LRRC66: variants seen among roughly 807,000 people sequenced by gnomAD.
LRRC66 encodes the protein leucine rich repeat containing 66, also known as leucine-rich repeat-containing protein 66.
LRRC66 carries 29 observed loss-of-function variants against 24.6 expected under a neutral mutation model. The observed-to-expected ratio is 1.18, with a 90% CI of 0.88 to 1.61. LRRC66 has a LOEUF of 1.61. Ranked by LOEUF, LRRC66 falls within the 40% of genes most tolerant of loss-of-function variation. The pLI is 0.00. For missense variants in LRRC66, 1,124 were observed against 1,058.0 expected (o/e 1.06, Z -0.87); for synonymous variants, 411 against 397.6 (o/e 1.03, Z -0.40).
At chr4:52,000,934 G>A (rs1027832741) in intron 3 of LRRC66, among the ~76,000 whole-genome samples, 4 of 152,212 alleles carry the variant, frequency 2.6e-5, no homozygotes, top group African/African-American at 9.7e-5. Flanking sequence ...AAGCTGGTAA[G>A]TTTGTAGTAA....
chr4:51,996,026 A>C lies in LRRC66; in HGVS notation c.996T>G (p.Ile332Met). The change falls in exon 5 of 5, where the codon ATT becomes ATG. Residue 332 changes from isoleucine to methionine, a missense_variant. Coordinates refer to ENST00000682860, the MANE Select transcript of LRRC66 (RefSeq NM_001024611.3). Reference protein sequence around the residue: ...ERPQGGRHTGISTLGKKAKAG... With the variant: ...ERPQGGRHTGMSTLGKKAKAG... The stretch of plus-strand genomic sequence containing the variant: ...CCTTTGCCTTCTTCCCCAGAGTAGA[A>C]ATGCCCGTGTGCCTTCCTCCCTGGG... 6.2e-7 allele frequency: 1 copy of C among 1,613,858 alleles called. No individual in the cohort carries two copies. The highest frequency in any genetic ancestry group is 8.5e-7 in the Non-Finnish European group (1 of 1,179,956).
rs74610609 is a variant in LRRC66 at position 51,995,970 on chromosome 4, C to T, written c.1052G>A (p.Arg351Gln). Residue 351 changes from arginine (R) to glutamine (Q), a missense_variant, in exon 5 of 5, where the codon CGG becomes CAG. Coordinates refer to ENST00000682860, the MANE Select transcript of LRRC66 (RefSeq NM_001024611.3). ...AGSGLRKKQR[R>Q]LPRSVRSTRD... ...GGTGCTTCTAACACTCCTTGGCAGC[C>T]GTCTCTGCTTCTTCCTGAGACCAGA... 3 of 1,613,922 alleles carry T rather than the reference C, an allele frequency of 1.9e-6. No individual in the cohort carries two copies. The highest frequency in any genetic ancestry group is 2.2e-5 in the East Asian group (1 of 44,814).
In LRRC66 at chr4:51,995,567, C is replaced by A. The variant is rs374157360; in HGVS notation, c.1455G>T (p.Ser485=). The part of the protein sequence containing the change: ...LGRSRKDPGS[S]QSPGQCGDNT... Reference sequence around the variant, plus strand: ...TGTCCCCGCACTGTCCTGGGCTCTGCGAACTGCCAGGATCCTTTCTGCTCC... The same window carrying A: ...TGTCCCCGCACTGTCCTGGGCTCTGAGAACTGCCAGGATCCTTTCTGCTCC... Residue 485 remains serine, a synonymous_variant, in exon 5 of 5, where the codon TCG becomes TCT. Coordinates refer to ENST00000682860, the MANE Select transcript of LRRC66 (RefSeq NM_001024611.3). 4 of 1,614,134 alleles carry A rather than the reference C, an allele frequency of 2.5e-6. No homozygotes were observed. The highest frequency in any genetic ancestry group is 1.6e-4 in the Middle Eastern group (1 of 6,062).
At chr4:52,017,064 A>G (rs1328029642) in intron 2 of LRRC66, 54 bp downstream of exon 2, 7 of 1,529,408 alleles carry the variant, frequency 4.6e-6, no homozygotes, top group Non-Finnish European at 6.1e-6. Context: ...TCTTATGAAC[A>G]TGAAACAACT....
rs754658752 is a variant in LRRC66 at position 52,017,527 on chromosome 4, A to G, written c.87T>C (p.Asn29=). The G allele has an allele frequency of 9.3e-6, 15 of 1,612,828 alleles. No homozygotes were observed. The highest frequency in any genetic ancestry group is 1.7e-5 in the Admixed American group (1 of 59,940). ...ATTGGCATTCAGAATTGAATAAAAT[A>G]TTGCTTTTTCTTGATGCATTTGTCA... ...GIMTNASRKS[N]ILFNSECQWN... is the part of the protein sequence containing the mutation. Residue 29 remains asparagine (N), a synonymous_variant, in exon 2 of 5, where the codon AAT becomes AAC. Transcript: ENST00000682860.
intron 4 of LRRC66, among the ~76,000 whole-genome samples, chr4:51,996,610 CTA>C (rs1406324385): frequency 6.6e-6 from 1 of 152,172 alleles, no homozygotes; most frequent in Non-Finnish European, 1.5e-5. Context: ...CCTTATCTAG[CTA>C]TATGTTAAAG....
intron 3 of LRRC66, among the ~76,000 whole-genome samples, chr4:52,000,687 A>G (rs1472793462): frequency 2.6e-5 from 4 of 152,234 alleles, no homozygotes; most frequent in Non-Finnish European, 2.9e-5. Context: ...GGCTTTGGCC[A>G]ATAACCAGCA....
chr4:51,999,767 C>G (rs75129643), intron 3 of LRRC66, among the ~76,000 whole-genome samples: 2 of 152,042 alleles, frequency 1.3e-5, no homozygotes, highest in East Asian at 3.9e-4. Flanking sequence ...TCCAATTTGG[C>G]TAAAGAAATA....
chr4:51,995,390 C>T lies in LRRC66; in HGVS notation c.1632G>A (p.Gln544=). 6.2e-7 allele frequency: 1 copy of T among 1,614,188 alleles called. No homozygotes were observed. The highest frequency in any genetic ancestry group is 2.2e-5 in the East Asian group (1 of 44,876). The part of the protein sequence containing the change: ...LGEWTYETVA[Q]EEPLSAHSVG... ...CTGAATGTGCACTGAGAGGCTCTTC[C>T]TGGGCCACAGTTTCATAAGTCCATT... The change falls in exon 5 of 5, where the codon CAG becomes CAA. Residue 544 remains glutamine (Q), a synonymous_variant. Coordinates refer to ENST00000682860, the MANE Select transcript of LRRC66 (RefSeq NM_001024611.3).
chr4:51,994,745 G>A lies in LRRC66; in HGVS notation c.2277C>T (p.Phe759=). 6.2e-7 allele frequency: 1 copy of A among 1,614,182 alleles called. No homozygotes were observed. The highest frequency in any genetic ancestry group is 8.5e-7 in the Non-Finnish European group (1 of 1,180,024). The change falls in exon 5 of 5, where the codon TTC becomes TTT. Residue 759 remains phenylalanine, a synonymous_variant. Coordinates refer to ENST00000682860, the MANE Select transcript of LRRC66 (RefSeq NM_001024611.3). ...AVDSLEENVT[F]QTIPGKCKNQ... Reference sequence around the variant, plus strand: ...TCTTGCATTTCCCTGGAATTGTTTGGAAGGTAACATTTTCCTCAAGACTGT... The same window carrying A: ...TCTTGCATTTCCCTGGAATTGTTTGAAAGGTAACATTTTCCTCAAGACTGT...
intron 1 of LRRC66, among the ~76,000 whole-genome samples, 94 bp downstream of exon 1, chr4:52,020,210 A>G (rs182394360): frequency 2.6e-5 from 4 of 152,368 alleles, no homozygotes; most frequent in Admixed American, 2.6e-4. Context: ...ATTTATACAT[A>G]AAAGAAAGGG....
chr4:52,008,802 C>T (rs947286934), intron 2 of LRRC66, among the ~76,000 whole-genome samples: 6 of 151,928 alleles, frequency 3.9e-5, no homozygotes, highest in African/African-American at 1.4e-4. Context: ...AAAATGAAAC[C>T]AGATAGAAGT....
chr4:51,995,357 G>T lies in LRRC66; in HGVS notation c.1665C>A (p.Val555=), dbSNP rs1419129945. ...CGTGAGACGTGCCAGCTACAGAAGA[G>T]ACGCCCACTGAATGTGCACTGAGAG... ...EEPLSAHSVG[V]SSVAGTSHAV... Residue 555 remains valine, a synonymous_variant, in exon 5 of 5, where the codon GTC becomes GTA. Coordinates refer to ENST00000682860, the MANE Select transcript of LRRC66 (RefSeq NM_001024611.3). 2 of 1,614,090 alleles carry T rather than the reference G, an allele frequency of 1.2e-6. No individual in the cohort carries two copies. The highest frequency in any genetic ancestry group is 8.5e-7 in the Non-Finnish European group (1 of 1,180,048).
At chr4:52,013,302 T>A (rs962762905) in intron 2 of LRRC66, among the ~76,000 whole-genome samples, 1 of 152,174 alleles carries the variant, frequency 6.6e-6, no homozygotes, top group Non-Finnish European at 1.5e-5. Flanking sequence ...GTTTCAAATG[T>A]TAGGTATTAT....
rs796198462 is a variant in LRRC66, at chr4:52,012,194, G to GA, written c.496+4923dup. Among the ~76,000 whole-genome samples, 535 of 145,742 alleles carry GA rather than the reference G, an allele frequency of 3.7e-3. 4 individuals are homozygous for GA. The highest frequency in any genetic ancestry group is 0.029 in the East Asian group (148 of 5,036). The stretch of plus-strand genomic sequence containing the variant: ...AAGAGTGAGGCTCCATCTAAAAACA[G>GA]AAAAAAAAAAGGAGTAAATAAAAAG... On this transcript the variant is annotated intron_variant, in intron 2 of 4. Transcript: ENST00000682860.
chr4:52,014,456 T>C (rs573082627), intron 2 of LRRC66, among the ~76,000 whole-genome samples: 6 of 152,240 alleles, frequency 3.9e-5, no homozygotes, highest in Non-Finnish European at 8.8e-5. Flanking sequence ...AAGTTAGGTC[T>C]TTGAGATACA....
chr4:52,015,278 C>A (rs1222858565), intron 2 of LRRC66, among the ~76,000 whole-genome samples: 1 of 151,876 alleles, frequency 6.6e-6, no homozygotes, highest in Non-Finnish European at 1.5e-5. Flanking sequence ...CTTTTGTTTT[C>A]CAAAACCCTA....
chr4:52,005,728 G>T (rs4610396), intron 2 of LRRC66, among the ~76,000 whole-genome samples: 64,121 of 151,490 alleles, frequency 0.42, 16,515 homozygotes, highest in African/African-American at 0.72. Flanking sequence ...GTTTGGAAAT[G>T]ACCATTGCCC....
intron 2 of LRRC66, among the ~76,000 whole-genome samples, chr4:52,011,689 C>T (rs1736707183): frequency 6.6e-6 from 1 of 152,098 alleles, no homozygotes; most frequent in African/African-American, 2.4e-5. Flanking sequence ...TGCTGTGTGC[C>T]AGGCACTATG....
Sources: allele counts gnomAD v4.1 joint callset (sites outside exome capture counted in the v4.1 genomes callset), GRCh38; gene constraint gnomAD v4.1.1; transcripts MANE v1.5; gene names NCBI Gene and HGNC (gene_info 2026-07-23, HGNC 2026-07-21).